ADAMTS16: variants seen among roughly 807,000 people sequenced by gnomAD.
The protein encoded by ADAMTS16 is ADAM metallopeptidase with thrombospondin type 1 motif 16.
Under a neutral mutation model 145.8 loss-of-function variants are expected in ADAMTS16, and 94 were observed. The ratio of observed to expected loss-of-function variants is 0.64; its 90% CI spans 0.55 to 0.77. ADAMTS16 has a LOEUF of 0.77. Among genes scored for constraint, ADAMTS16 ranks in the 30% least tolerant of loss-of-function variants. The pLI, the probability that ADAMTS16 is intolerant of heterozygous loss-of-function variation, is 0.00. For missense variants in ADAMTS16, 1,585 were observed against 1,591.5 expected, an observed-to-expected ratio of 1.00 and a Z score of 0.07; for synonymous variants, 659 against 604.3, an observed-to-expected ratio of 1.09 and a Z score of -1.33.
intron 18 of ADAMTS16, among the ~76,000 whole-genome samples, chr5:5,275,611 A>G (rs1375074690): frequency 1.3e-5 from 2 of 152,186 alleles, no homozygotes; most frequent in Non-Finnish European, 2.9e-5. Context: ...ATTGTTAGAT[A>G]GTTATAGTTT....
chr5:5,181,291 T>C (rs1350557945), intron 3 of ADAMTS16, among the ~76,000 whole-genome samples: 1 of 152,182 alleles, frequency 6.6e-6, no homozygotes, highest in Non-Finnish European at 1.5e-5. Context: ...TTTCCCAGAA[T>C]GTAAGATTGC....
intron 8 of ADAMTS16, among the ~76,000 whole-genome samples, chr5:5,196,456 A>G (rs899721841): frequency 2.0e-5 from 3 of 152,086 alleles, no homozygotes; most frequent in African/African-American, 7.2e-5. Flanking sequence ...AGACTTGAAG[A>G]ATATTGGAGA....
intron 18 of ADAMTS16, among the ~76,000 whole-genome samples, chr5:5,270,046 T>G (rs969286633): frequency 2.0e-4 from 30 of 152,156 alleles, no homozygotes; most frequent in African/African-American, 7.2e-4. Flanking sequence ...TATTTTGGAA[T>G]GTTCATATTG....
At chr5:5,255,277 A>C (rs558224592) in intron 17 of ADAMTS16, among the ~76,000 whole-genome samples, 1 of 152,328 alleles carries the variant, frequency 6.6e-6, no homozygotes, top group African/African-American at 2.4e-5. Context: ...CCAAAAAAAT[A>C]GAAACCTTTC....
intron 21 of ADAMTS16, among the ~76,000 whole-genome samples, chr5:5,315,026 C>G (rs953951490): frequency 6.6e-6 from 1 of 152,164 alleles, no homozygotes; most frequent in Non-Finnish European, 1.5e-5. Flanking sequence ...CTGAGATGGT[C>G]AATTTATAAA....
chr5:5,166,091 A>G (rs1734869041), intron 3 of ADAMTS16, among the ~76,000 whole-genome samples: 1 of 152,174 alleles, frequency 6.6e-6, no homozygotes, highest in Non-Finnish European at 1.5e-5. Context: ...AACTTGATTG[A>G]TAACTCTAAA....
At position 5,146,152 on chromosome 5, in the gene ADAMTS16, C is replaced by T. The variant is rs996648166; in HGVS notation, c.198C>T (p.Tyr66=). 5.6e-6 allele frequency: 9 copies of T among 1,613,934 alleles called. No homozygotes were observed. Among genetic ancestry groups the T allele is most frequent in the South Asian group, 1.1e-5 (1 of 91,070 alleles). The change falls in exon 3 of 23, where the codon TAC becomes TAT. Residue 66 remains tyrosine, a synonymous_variant. Coordinates refer to ENST00000274181, the MANE Select transcript of ADAMTS16 (RefSeq NM_139056.4). ...EKGEYDLVSA[Y]EVDHRGDYVS... is the part of the protein sequence containing the mutation. ...CAGAATATGACCTGGTCTCTGCCTA[C>T]GAGGTTGACCACAGGGGCGATTACG...
At chr5:5,161,541 C>T (rs927403481) in intron 3 of ADAMTS16, among the ~76,000 whole-genome samples, 24 of 152,222 alleles carry the variant, frequency 1.6e-4, no homozygotes, top group African/African-American at 5.5e-4. Context: ...TCAGTAGATA[C>T]GTAGATGTGT....
At chr5:5,184,445 G>A (rs1310362602) in intron 4 of ADAMTS16, among the ~76,000 whole-genome samples, 1 of 152,040 alleles carries the variant, frequency 6.6e-6, no homozygotes, top group African/African-American at 2.4e-5. Context: ...TGTCCCTGAG[G>A]CTTTTGGACT....
At chr5:5,268,517 C>T (rs558247956) in intron 18 of ADAMTS16, among the ~76,000 whole-genome samples, 1 of 152,326 alleles carries the variant, frequency 6.6e-6, no homozygotes, top group South Asian at 2.1e-4. Context: ...CTCTCTGTTC[C>T]TTGACTGTCC....
chr5:5,227,578 T>G (rs1386479792), intron 11 of ADAMTS16, among the ~76,000 whole-genome samples: 1 of 151,740 alleles, frequency 6.6e-6, no homozygotes, highest in African/African-American at 2.4e-5. Context: ...TCCCCCAACC[T>G]CCTTAGCAGA....
At chr5:5,191,653 C>T in intron 7 of ADAMTS16, 32 bp from the exon 8 acceptor site, 1 of 1,524,380 alleles carries the variant, frequency 6.6e-7, no homozygotes, top group Non-Finnish European at 9.1e-7. Flanking sequence ...TACAACACCG[C>T]TATGTGTTCT....
At chr5:5,263,729 CTT>C (rs1738123267) in intron 18 of ADAMTS16, among the ~76,000 whole-genome samples, 1 of 152,292 alleles carries the variant, frequency 6.6e-6, no homozygotes, top group East Asian at 1.9e-4. Context: ...CTAATTAGCT[CTT>C]TTAGTTCCAT....
At position 5,242,157 on chromosome 5, in the gene ADAMTS16, C is replaced by T. The variant is rs113503747; in HGVS notation, c.2628C>T (p.Ile876=). 23 of 1,614,038 alleles carry T rather than the reference C, an allele frequency of 1.4e-5. No homozygotes were observed. The highest frequency in any genetic ancestry group is 2.2e-5 in the East Asian group (1 of 44,888). Residue 876 remains isoleucine, a synonymous_variant, in exon 17 of 23, where the codon ATC becomes ATT. Transcript: ENST00000274181. ...PPAQPSYTWA[I]VRSECSVSCG... ...CCCAGCCCAGCTACACTTGGGCCAT[C>T]GTGCGCTCTGAGTGCTCCGTGTCCT...
At chr5:5,256,038 C>T (rs1327804473) in intron 17 of ADAMTS16, among the ~76,000 whole-genome samples, 2 of 152,176 alleles carry the variant, frequency 1.3e-5, no homozygotes, top group East Asian at 1.9e-4. Flanking sequence ...AACCTGCTAC[C>T]TGATCTTCTT....
intron 17 of ADAMTS16, 59 bp from the exon 18 acceptor site, chr5:5,262,598 G>T: frequency 6.4e-7 from 1 of 1,568,742 alleles, no homozygotes; most frequent in African/African-American, 1.4e-5. Flanking sequence ...CTCATCATCT[G>T]CCTTTTACTG....
chr5:5,200,878 G>A (rs1435320840), intron 9 of ADAMTS16, among the ~76,000 whole-genome samples: 2 of 152,110 alleles, frequency 1.3e-5, no homozygotes, highest in Non-Finnish European at 2.9e-5. Flanking sequence ...ATAAAACATT[G>A]GGGAGGTAGG....
Position 5,284,125 on chromosome 5 carries a change from A to G in ADAMTS16, c.2790-19143A>G, listed in dbSNP as rs951222510. Among the ~76,000 whole-genome samples the G allele has an allele frequency of 6.6e-5, 10 of 152,204 alleles. No homozygotes were observed. In the South Asian group the frequency reaches 8.3e-4, roughly 13 times the overall value. ...TTTGGTTATTTAGAAAACACACCAT[A>G]TATTTCTAATACTACTATAGTTGCC... On this transcript the variant is annotated intron_variant, in intron 18 of 22. Coordinates refer to ENST00000274181, the MANE Select transcript of ADAMTS16 (RefSeq NM_139056.4).
chr5:5,161,899 C>A (rs1427551694), intron 3 of ADAMTS16, among the ~76,000 whole-genome samples: 1 of 152,130 alleles, frequency 6.6e-6, no homozygotes, highest in Non-Finnish European at 1.5e-5. Context: ...AAGTTTTATG[C>A]AAAGGGCATT....
Sources: allele counts gnomAD v4.1 joint callset (sites outside exome capture counted in the v4.1 genomes callset), GRCh38; gene constraint gnomAD v4.1.1; transcripts MANE v1.5; gene names NCBI Gene and HGNC (gene_info 2026-07-23, HGNC 2026-07-21).